PACRG: variants seen among roughly 807,000 people sequenced by gnomAD.
PACRG encodes the protein parkin coregulated gene protein.
PACRG carries 29 observed loss-of-function variants against 29.7 expected under a neutral mutation model. That is an observed-to-expected ratio of 0.98 (90% CI 0.73 to 1.33). The LOEUF (loss-of-function observed/expected upper bound fraction) is 1.33. Ranked by LOEUF, PACRG falls within the 40% of genes most tolerant of loss-of-function variation. The pLI, the probability that PACRG is intolerant of heterozygous loss-of-function variation, is 0.00. For synonymous variants in PACRG, 116 were observed against 118.7 expected (o/e 0.98, Z 0.15); for missense variants, 279 against 316.2 (o/e 0.88, Z 0.89).
At chr6:163,049,074 A>G (rs1398753054) in intron 2 of PACRG, among the ~76,000 whole-genome samples, 1 of 152,130 alleles carries the variant, frequency 6.6e-6, no homozygotes, top group East Asian at 1.9e-4. Flanking sequence ...TAATAATAAT[A>G]AACCTAGGAA....
At chr6:162,774,678 T>C (rs1271658331) in intron 1 of PACRG, among the ~76,000 whole-genome samples, 1 of 152,204 alleles carries the variant, frequency 6.6e-6, no homozygotes, top group African/African-American at 2.4e-5. Context: ...TGTATTTAGT[T>C]AGGCTTTTTT....
chr6:163,268,405 A>AAAAAAAAAAAAAAAAAG (rs71008143), intron 4 of PACRG, among the ~76,000 whole-genome samples: 34 of 143,782 alleles, frequency 2.4e-4, no homozygotes, highest in Non-Finnish European at 4.0e-4. Flanking sequence ...GTCTCAAAGA[A>AAAAAAAAAAAAAAAAAG]AAAAAAAAAG....
In PACRG at chr6:162,947,586, A is replaced by ATATATAATCATATATATC. The variant is rs1799247022; in HGVS notation, c.292-114547_292-114546insCTATATAATCATATATAT. Among the ~76,000 whole-genome samples, 3 of 41,128 alleles carry ATATATAATCATATATATC rather than the reference A, an allele frequency of 7.3e-5. 1 individual carries two copies. 27.0% of individuals were successfully genotyped at this position (41,128 alleles called of 152,430 possible). A position where few individuals can be genotyped will look rare whatever the true frequency, so the allele number is the denominator to read the frequency against. On this transcript the variant is annotated intron_variant, in intron 2 of 4. Transcript: ENST00000366888. ...TATATATATACTCATATATAATCAT[A>ATATATAATCATATATATC]TATATAATCATATATATATATAATC...
intron 2 of PACRG, among the ~76,000 whole-genome samples, chr6:162,819,928 A>T (rs1787694105): frequency 6.6e-6 from 1 of 152,246 alleles, no homozygotes; most frequent in African/African-American, 2.4e-5. Context: ...TTCTTCTGGT[A>T]GCAAAATGGA....
intron 1 of PACRG, among the ~76,000 whole-genome samples, chr6:162,804,461 G>A (rs921534107): frequency 3.9e-5 from 6 of 151,994 alleles, no homozygotes; most frequent in Admixed American, 2.0e-4. Flanking sequence ...ATTTCCAGCC[G>A]GTTATTTTCT....
intron 1 of PACRG, among the ~76,000 whole-genome samples, chr6:162,730,760 A>G (rs1779705369): frequency 6.6e-6 from 1 of 152,226 alleles, no homozygotes; most frequent in Admixed American, 6.5e-5. Flanking sequence ...GTTGCATTCT[A>G]TAAGAAAACA....
chr6:162,918,431 A>G (rs1796845663), intron 2 of PACRG, among the ~76,000 whole-genome samples: 1 of 152,340 alleles, frequency 6.6e-6, no homozygotes, highest in East Asian at 1.9e-4. Context: ...CGAGACATGA[A>G]TCTAGCTTGT....
chr6:163,059,536 A>G (rs1182759173), intron 2 of PACRG, among the ~76,000 whole-genome samples: 1 of 152,246 alleles, frequency 6.6e-6, no homozygotes, highest in Non-Finnish European at 1.5e-5. Flanking sequence ...ATAAGGACAT[A>G]AGGGTAAATT....
chr6:163,245,835 C>T (rs1782674609), intron 4 of PACRG, among the ~76,000 whole-genome samples: 1 of 152,136 alleles, frequency 6.6e-6, no homozygotes, highest in South Asian at 2.1e-4. Context: ...CTTTGGCCAC[C>T]TAACTACATG....
intron 1 of PACRG, among the ~76,000 whole-genome samples, chr6:162,743,259 T>C (rs1780738543): frequency 6.6e-6 from 1 of 152,210 alleles, no homozygotes; most frequent in South Asian, 2.1e-4. Flanking sequence ...TTTCTTTTAC[T>C]ATTTTGGGTA....
intron 1 of PACRG, among the ~76,000 whole-genome samples, chr6:162,793,091 C>A (rs779680285): frequency 2.5e-4 from 38 of 152,240 alleles, no homozygotes; most frequent in Non-Finnish European, 4.7e-4. Context: ...CCTTAAGACA[C>A]TTTTCCACTG....
intron 4 of PACRG, among the ~76,000 whole-genome samples, chr6:163,107,504 C>T (rs193215892): frequency 4.6e-5 from 7 of 152,302 alleles, no homozygotes; most frequent in East Asian, 1.9e-4. Context: ...AGTCACACGG[C>T]GCACACTGCA....
chr6:162,762,439 A>G lies in PACRG; in HGVS notation c.156+34048A>G, dbSNP rs142955806. ...TTGACCTCCTTGTTAAGGAGTTTGT[A>G]CTTCATCTCTGTCCACACAGGTGAG... On this transcript the variant is annotated intron_variant, in intron 1 of 4. Transcript: ENST00000366888. Among the ~76,000 whole-genome samples the G allele has an allele frequency of 4.2e-3, 639 of 152,268 alleles. 1 individual carries two copies. Among genetic ancestry groups the G allele is most frequent in the African/African-American group, 0.015 (608 of 41,546 alleles).
intron 2 of PACRG, among the ~76,000 whole-genome samples, chr6:162,968,049 T>C (rs1439221715): frequency 1.3e-5 from 2 of 152,220 alleles, no homozygotes; most frequent in Middle Eastern, 3.2e-3. Flanking sequence ...ATTACTTACA[T>C]AGTGAGTTAC....
chr6:162,769,274 A>G (rs1468820095), intron 1 of PACRG, among the ~76,000 whole-genome samples: 1 of 150,406 alleles, frequency 6.6e-6, no homozygotes, highest in Non-Finnish European at 1.5e-5. Context: ...TCCTCCATGA[A>G]AAGAATAAGC....
intron 2 of PACRG, among the ~76,000 whole-genome samples, chr6:162,955,585 C>T (rs943412116): frequency 1.3e-5 from 2 of 152,224 alleles, no homozygotes; most frequent in African/African-American, 2.4e-5. Context: ...AGGTGTGAGC[C>T]ACCACGCCCA....
At chr6:162,989,505 T>C (rs951651596) in intron 2 of PACRG, among the ~76,000 whole-genome samples, 2 of 152,176 alleles carry the variant, frequency 1.3e-5, no homozygotes, top group Non-Finnish European at 2.9e-5. Context: ...CTGTATACTT[T>C]AAACCATCTT....
chr6:162,939,231 C>G (rs1300022938), intron 2 of PACRG, among the ~76,000 whole-genome samples: 1 of 152,126 alleles, frequency 6.6e-6, no homozygotes, highest in African/African-American at 2.4e-5. Flanking sequence ...ATTCTTACCT[C>G]TCACCTTATG....
At chr6:162,915,369 G>A (rs1046073670) in intron 2 of PACRG, among the ~76,000 whole-genome samples, 6 of 151,784 alleles carry the variant, frequency 4.0e-5, no homozygotes, top group African/African-American at 1.5e-4. Context: ...AGGATATTAT[G>A]TAGGTATTTA....
Sources: allele counts gnomAD v4.1 joint callset (sites outside exome capture counted in the v4.1 genomes callset), GRCh38; gene constraint gnomAD v4.1.1; transcripts MANE v1.5; gene names NCBI Gene and HGNC (gene_info 2026-07-23, HGNC 2026-07-21).